Variants in GCNT2 observed in about 807,000 individuals in gnomAD.
GCNT2 encodes the protein N-acetyllactosaminide beta-1,6-N-acetylglucosaminyl-transferase.
In GCNT2, 34 loss-of-function variants were observed where a neutral mutation model predicts 34.2. The ratio of observed to expected loss-of-function variants is 1.00; its 90% CI spans 0.76 to 1.32. The LOEUF (loss-of-function observed/expected upper bound fraction) is 1.32, where lower values mean the gene tolerates loss of function less well. Among genes scored for constraint, GCNT2 ranks in the 40% most tolerant of loss-of-function variants. The pLI is 0.00. For synonymous variants in GCNT2, 212 were observed against 188.0 expected, an observed-to-expected ratio of 1.13 and a Z score of -1.04; for missense variants, 584 against 489.4, an observed-to-expected ratio of 1.19 and a Z score of -1.82.
chr6:10,582,339 A>AATT (rs1554133585), intron 3 of GCNT2, among the ~76,000 whole-genome samples: 2 of 95,466 alleles, frequency 2.1e-5, no homozygotes, highest in African/African-American at 6.2e-5. Context: ...TATATACTAT[A>AATT]TAATATATAG....
intron 3 of GCNT2, among the ~76,000 whole-genome samples, chr6:10,594,735 T>C (rs1465676180): frequency 6.6e-6 from 1 of 152,206 alleles, no homozygotes; most frequent in Non-Finnish European, 1.5e-5. Context: ...AATCTCACTA[T>C]AGAAGGATGT....
intron 3 of GCNT2, among the ~76,000 whole-genome samples, chr6:10,582,728 T>C (rs935922082): frequency 2.1e-5 from 3 of 143,382 alleles, no homozygotes; most frequent in African/African-American, 8.1e-5. Flanking sequence ...ATGCTTTTTT[T>C]TTCCATTACT....
chr6:10,581,215 G>C (rs1254719487), intron 3 of GCNT2, among the ~76,000 whole-genome samples: 2 of 152,074 alleles, frequency 1.3e-5, no homozygotes, highest in Non-Finnish European at 2.9e-5. Flanking sequence ...AAATAAGTCA[G>C]GACAAATGAT....
In GCNT2 at chr6:10,528,781, A is replaced by G. The variant is rs618705; in HGVS notation, c.-131A>G. 0.093 allele frequency: 71,414 copies of G among 766,714 alleles called. 3,671 individuals carry two copies. Among genetic ancestry groups the G allele is most frequent in the Middle Eastern group, 0.12 (332 of 2,810 alleles). 47.5% of individuals were successfully genotyped at this position (766,714 alleles called of 1,614,324 possible). The stretch of plus-strand genomic sequence containing the variant: ...GACCAGAACCGTGAACTGAAGGGAC[A>G]GGGAACAGCCAGACGAGAGCTTCAG... On this transcript the variant is annotated 5_prime_UTR_variant, in exon 3 of 5. Coordinates refer to ENST00000495262, the MANE Select transcript of GCNT2 (RefSeq NM_145649.5).
intron 4 of GCNT2, among the ~76,000 whole-genome samples, chr6:10,625,012 C>T (rs1488906380): frequency 6.6e-6 from 1 of 152,128 alleles, no homozygotes. Flanking sequence ...TGCTTAAGGC[C>T]TGTGTTTTTG....
At chr6:10,552,492 CTT>C (rs908257915) in intron 3 of GCNT2, among the ~76,000 whole-genome samples, 2 of 145,436 alleles carry the variant, frequency 1.4e-5, no homozygotes, top group Non-Finnish European at 3.0e-5. Context: ...TATGTACAGG[CTT>C]TTTTTTTTTC....
At chr6:10,595,382 A>G (rs1441678891) in intron 3 of GCNT2, among the ~76,000 whole-genome samples, 1 of 151,872 alleles carries the variant, frequency 6.6e-6, no homozygotes, top group Admixed American at 6.6e-5. Flanking sequence ...GGTTCACGCC[A>G]TTCTCCTGCC....
intron 3 of GCNT2, among the ~76,000 whole-genome samples, chr6:10,564,935 C>G (rs1168307530): frequency 6.6e-6 from 1 of 152,114 alleles, no homozygotes; most frequent in Non-Finnish European, 1.5e-5. Context: ...GAAGCCAGAT[C>G]ATTAGAGTTG....
At chr6:10,591,725 C>T (rs1764652492) in intron 3 of GCNT2, among the ~76,000 whole-genome samples, 1 of 152,212 alleles carries the variant, frequency 6.6e-6, no homozygotes, top group African/African-American at 2.4e-5. Context: ...CTTCTTCTCA[C>T]TTAATTTAAT....
intron 3 of GCNT2, among the ~76,000 whole-genome samples, chr6:10,572,626 C>G (rs1485837834): frequency 6.6e-6 from 1 of 151,934 alleles, no homozygotes; most frequent in Non-Finnish European, 1.5e-5. Flanking sequence ...CCCAGCTACT[C>G]AGGAGGCTGA....
Position 10,563,772 on chromosome 6 carries a change from AAAAAAATATATATAT to A in GCNT2, c.925+33938_925+33952del, listed in dbSNP as rs1319180170. Among the ~76,000 whole-genome samples, 351 of 59,128 alleles carry A rather than the reference AAAAAAATATATATAT, an allele frequency of 5.9e-3. 1 individual carries two copies. The highest frequency in any genetic ancestry group is 0.025 in the African/African-American group (320 of 12,920). The allele number at this position is 59,128 out of a possible 152,430, so 38.8% of individuals were successfully genotyped here. The stretch of plus-strand genomic sequence containing the variant: ...AAGAAAAAAGAAAAAAAAAAAAAAA[AAAAAAATATATATAT>A]ATATATATATATATATATATATGAC... On this transcript the variant is annotated intron_variant, in intron 3 of 4. Transcript: ENST00000495262.
rs1244184624 is a variant in GCNT2, at chr6:10,525,203, G to A, written c.-468-2271G>A. 2.0e-5 allele frequency among the ~76,000 whole-genome samples: 3 copies of A among 152,104 alleles called. No homozygotes were observed. The East Asian group carries it at 5.8e-4, about 29-fold the overall frequency. ...TGCAATGAAAATTAGTTTACATCCT[G>A]GAGAGTGAGAATTTATAAGAGTATG... is the stretch of plus-strand genomic sequence containing the variant. On this transcript the variant is annotated intron_variant, in intron 1 of 4. Transcript: ENST00000495262.
rs149143885 is a variant in GCNT2 at position 10,566,112 on chromosome 6, C to T, written c.925+36276C>T. Among the ~76,000 whole-genome samples, 244 of 152,226 alleles carry T rather than the reference C, an allele frequency of 1.6e-3. 3 individuals carry two copies. The highest frequency in any genetic ancestry group is 5.5e-3 in the African/African-American group (227 of 41,558). On this transcript the variant is annotated intron_variant, in intron 3 of 4. Transcript: ENST00000495262. ...GCCACTCCCAGCCTTCCTGCCCTGACGCATGCAGTCCCTCTCCCGGGAGGC... is the reference window on the plus strand; with the variant it reads ...GCCACTCCCAGCCTTCCTGCCCTGATGCATGCAGTCCCTCTCCCGGGAGGC...
intron 3 of GCNT2, among the ~76,000 whole-genome samples, chr6:10,543,906 G>C (rs879387871): frequency 2.0e-5 from 3 of 152,208 alleles, no homozygotes; most frequent in Non-Finnish European, 2.9e-5. Flanking sequence ...GAGTCGATTA[G>C]GAGATGAAAT....
chr6:10,613,167 G>A (rs1250419054), intron 3 of GCNT2, among the ~76,000 whole-genome samples: 2 of 152,160 alleles, frequency 1.3e-5, no homozygotes, highest in African/African-American at 4.8e-5. Flanking sequence ...TAAGAATAAT[G>A]AGAACGTCAA....
At chr6:10,624,590 G>C (rs1022057786) in intron 4 of GCNT2, among the ~76,000 whole-genome samples, 2 of 152,240 alleles carry the variant, frequency 1.3e-5, no homozygotes, top group African/African-American at 4.8e-5. Flanking sequence ...ATATCACAAG[G>C]TTATGCTAAA....
At chr6:10,540,815 C>G (rs534821483) in intron 3 of GCNT2, among the ~76,000 whole-genome samples, 1 of 152,164 alleles carries the variant, frequency 6.6e-6, no homozygotes, top group Non-Finnish European at 1.5e-5. Context: ...ATTCCTAAAT[C>G]TAAACCCCAA....
chr6:10,627,798 C>T lies in GCNT2; in HGVS notation c.*1191C>T, dbSNP rs1270676201. On this transcript the variant is annotated 3_prime_UTR_variant, in exon 5 of 5. Transcript: ENST00000495262. Reference sequence around the variant, plus strand: ...TAGTTTAATACAGGAACACACAGGGCTGTGTAGCATGATACCAGGCCCAGG... The same window carrying T: ...TAGTTTAATACAGGAACACACAGGGTTGTGTAGCATGATACCAGGCCCAGG... 6.6e-6 allele frequency: 1 copy of T among 152,092 alleles called. No homozygotes were observed. Among genetic ancestry groups the T allele is most frequent in the Non-Finnish European group, 1.5e-5 (1 of 68,018 alleles). 9.4% of individuals were successfully genotyped at this position (152,092 alleles called of 1,614,324 possible).
At chr6:10,576,340 C>G (rs1284970425) in intron 3 of GCNT2, among the ~76,000 whole-genome samples, 1 of 152,134 alleles carries the variant, frequency 6.6e-6, no homozygotes, top group Non-Finnish European at 1.5e-5. Context: ...CAACAGAGAC[C>G]TAGTGAATGG....
Sources: allele counts gnomAD v4.1 joint callset (sites outside exome capture counted in the v4.1 genomes callset), GRCh38; gene constraint gnomAD v4.1.1; transcripts MANE v1.5; gene names NCBI Gene and HGNC (gene_info 2026-07-23, HGNC 2026-07-21).